MMS22L: variants seen among roughly 807,000 people sequenced by gnomAD.
MMS22L encodes the protein protein MMS22-like.
A neutral mutation model predicts 159.1 loss-of-function variants in MMS22L; 74 were observed. The observed-to-expected ratio is 0.47, with a 90% confidence interval of 0.39 to 0.56. The LOEUF (loss-of-function observed/expected upper bound fraction) is 0.56. MMS22L is among the 20% of genes least tolerant of loss of function. The probability of loss-of-function intolerance (pLI) is 0.00; values close to 1 mark genes in which losing one functional copy is unlikely to be tolerated. For missense variants in MMS22L, 1,351 were observed against 1,422.1 expected (o/e 0.95, Z 0.80); for synonymous variants, 517 against 506.9 (o/e 1.02, Z -0.27).
chr6:97,214,691 T>G (rs539148491), intron 14 of MMS22L, among the ~76,000 whole-genome samples: 1 of 150,242 alleles, frequency 6.7e-6, no homozygotes, highest in East Asian at 1.9e-4. Context: ...TTTTGTTTTT[T>G]TTTTTTTTTC....
intron 22 of MMS22L, among the ~76,000 whole-genome samples, chr6:97,155,752 C>A (rs915966340): frequency 1.3e-5 from 2 of 151,980 alleles, no homozygotes; most frequent in African/African-American, 2.4e-5. Context: ...TTGATGACTT[C>A]ACAATAGACT....
At chr6:97,229,837 G>A (rs1291993363) in intron 13 of MMS22L, among the ~76,000 whole-genome samples, 1 of 151,938 alleles carries the variant, frequency 6.6e-6, no homozygotes, top group Non-Finnish European at 1.5e-5. Context: ...TTTTCTCCCT[G>A]CACCCCCTCA....
At chr6:97,233,740 T>C in intron 12 of MMS22L, 121 bp downstream of exon 12, 4 of 1,081,882 alleles carry the variant, frequency 3.7e-6, no homozygotes, top group South Asian at 4.1e-5. Flanking sequence ...CAATCTACTC[T>C]GAAAAAAATT....
At chr6:97,162,207 C>A in intron 21 of MMS22L, 42 bp from the exon 22 acceptor site, 1 of 1,542,858 alleles carries the variant, frequency 6.5e-7, no homozygotes, top group South Asian at 1.2e-5. Flanking sequence ...CTTAAAGCTT[C>A]AATAGAGCAA....
At chr6:97,271,703 G>A (rs1288963444) in intron 6 of MMS22L, 2 of 152,086 alleles carry the variant, frequency 1.3e-5, no homozygotes, top group Non-Finnish European at 2.9e-5. Context: ...ATAGGGTCTT[G>A]CTCTGTCATC....
chr6:97,203,058 C>A (rs571298924), intron 14 of MMS22L, among the ~76,000 whole-genome samples: 1 of 152,264 alleles, frequency 6.6e-6, no homozygotes, highest in African/African-American at 2.4e-5. Flanking sequence ...ACACATCACC[C>A]ATATTCCACA....
chr6:97,185,236 C>T (rs922001668), intron 15 of MMS22L, among the ~76,000 whole-genome samples: 1 of 152,164 alleles, frequency 6.6e-6, no homozygotes, highest in Non-Finnish European at 1.5e-5. Flanking sequence ...TATGCCCCAA[C>T]ACTAGATTAT....
chr6:97,234,011 A>G, intron 11 of MMS22L, 31 bp from the exon 12 acceptor site: 1 of 1,596,294 alleles, frequency 6.3e-7, no homozygotes, highest in Non-Finnish European at 8.5e-7. Context: ...ATGAGAAGGT[A>G]AATGGGCTCT....
chr6:97,231,732 G>GTTATACTATTTTTC, intron 12 of MMS22L, 80 bp from the exon 13 acceptor site: 2 of 1,000,710 alleles, frequency 2.0e-6, no homozygotes, highest in Non-Finnish European at 3.0e-6. Context: ...ATCCCAGTTA[G>GTTATACTATTTTTC]TTGGTTCATC....
chr6:97,222,799 G>A (rs1809793313), intron 14 of MMS22L, among the ~76,000 whole-genome samples: 1 of 151,968 alleles, frequency 6.6e-6, no homozygotes, highest in Non-Finnish European at 1.5e-5. Flanking sequence ...CCCCGAAAAT[G>A]GAGGTTTATA....
intron 14 of MMS22L, among the ~76,000 whole-genome samples, chr6:97,206,928 C>T (rs1387112326): frequency 6.6e-6 from 1 of 152,056 alleles, no homozygotes; most frequent in Admixed American, 6.6e-5. Flanking sequence ...TTAACACTAC[C>T]TTGGAGCTCT....
chr6:97,168,071 C>T lies in MMS22L; in HGVS notation c.3009G>A (p.Gln1003=), dbSNP rs1390623117. 2 of 1,603,580 alleles carry T rather than the reference C, an allele frequency of 1.2e-6. No homozygotes were observed. The highest frequency in any genetic ancestry group is 1.7e-5 in the Admixed American group (1 of 58,244). ...TTTTAAGCAACCACAGATACTATAC[C>T]TGGAGATACAAAGGAAGACTTTTCT... ...AIQKSLPLYL[Q]GMCIVCCQSQ... is the part of the protein sequence containing the mutation. The change falls in exon 20 of 25, where the codon CAG becomes CAA. Residue 1003 remains glutamine, a splice_region_variant and synonymous_variant. Transcript: ENST00000683635.
rs752038352 is a variant in MMS22L, at chr6:97,165,434, T to C, written c.3033A>G (p.Gln1011=). ...TCAAATAGGCATTCGGATTTTGAGA[T>C]TGACAACACACGATACACATGCCCT... is the stretch of plus-strand genomic sequence containing the variant. The part of the protein sequence containing the change: ...YLQGMCIVCC[Q]SQNPNAYLNQ... The change falls in exon 21 of 25, where the codon CAA becomes CAG. Residue 1011 remains glutamine, a synonymous_variant. Coordinates refer to ENST00000683635, the MANE Select transcript of MMS22L (RefSeq NM_001350599.2). 7 of 1,612,476 alleles carry C rather than the reference T, an allele frequency of 4.3e-6. No individual in the cohort carries two copies. Among genetic ancestry groups the C allele is most frequent in the South Asian group, 2.2e-5 (2 of 91,038 alleles).
At chr6:97,207,710 AG>A (rs1250977493) in intron 14 of MMS22L, among the ~76,000 whole-genome samples, 1 of 152,170 alleles carries the variant, frequency 6.6e-6, no homozygotes, top group East Asian at 1.9e-4. Context: ...TCTTAACTGA[AG>A]AGACAACAAA....
At chr6:97,152,967 C>T (rs963481903) in intron 22 of MMS22L, among the ~76,000 whole-genome samples, 10 of 151,824 alleles carry the variant, frequency 6.6e-5, no homozygotes, top group African/African-American at 2.2e-4. Context: ...TCTCAAGTAG[C>T]TAGGACTACA....
chr6:97,251,647 A>T (rs1384297874), intron 10 of MMS22L, among the ~76,000 whole-genome samples: 1 of 152,206 alleles, frequency 6.6e-6, no homozygotes, highest in Non-Finnish European at 1.5e-5. Context: ...GTGATTTTTT[A>T]AAATCGTGGC....
chr6:97,193,847 G>A lies in MMS22L; in HGVS notation c.2040-7157C>T, dbSNP rs185219792. ...AAGATCTCGGCTCACTGCAAGCTCC[G>A]CCTCCTGGGTTCACACCATTCTCCT... On this transcript the variant is annotated intron_variant, in intron 14 of 24. Transcript: ENST00000683635. Among the ~76,000 whole-genome samples the A allele has an allele frequency of 1.1e-3, 162 of 151,880 alleles. 1 individual carries two copies. Among genetic ancestry groups the A allele is most frequent in the Admixed American group, 9.1e-3 (139 of 15,264 alleles).
chr6:97,225,021 G>A (rs1441002956), intron 14 of MMS22L, among the ~76,000 whole-genome samples: 1 of 152,094 alleles, frequency 6.6e-6, no homozygotes, highest in Non-Finnish European at 1.5e-5. Flanking sequence ...TATTTTAGAT[G>A]AGCCACAAAA....
Position 97,162,004 on chromosome 6 carries a change from T to C in MMS22L, c.3383A>G (p.Gln1128Arg). 1 of 1,606,436 alleles carries C rather than the reference T, an allele frequency of 6.2e-7. No individual in the cohort carries two copies. ...LKCLVLVSEP[Q>R]VKRLATENLQ... Reference sequence around the variant, plus strand: ...CAAAAATAAGCTTACAAACAAACCTTGTGGTTCACTGACTAACACCAAGCA... The same window carrying C: ...CAAAAATAAGCTTACAAACAAACCTCGTGGTTCACTGACTAACACCAAGCA... Residue 1128 changes from glutamine to arginine, a missense_variant and splice_region_variant, in exon 22 of 25, where the codon CAA becomes CGA. By Grantham distance (43) the Gln-to-Arg change is conservative. Transcript: ENST00000683635.
Sources: gnomAD v4.1 joint callset for allele counts (sites outside exome capture counted in the v4.1 genomes callset) on GRCh38, gnomAD v4.1.1 for gene constraint, MANE v1.5 for transcripts, NCBI Gene and HGNC (gene_info 2026-07-23, HGNC 2026-07-21) for gene names.